The following ZNF723 variants were observed in gnomAD, a reference collection of about 807,000 sequenced individuals.
The protein encoded by ZNF723 is zinc finger protein 723, also known as zinc finger protein 723, pseudogene.
In ZNF723, 5 loss-of-function variants were observed where a neutral mutation model predicts 9.4. The observed-to-expected ratio is 0.53, with a 90% CI of 0.28 to 1.12. ZNF723 has a LOEUF of 1.12. Among genes scored for constraint, ZNF723 ranks in the 50% most tolerant of loss-of-function variants. The pLI is 0.10. For missense variants in ZNF723, 450 were observed against 501.5 expected (o/e 0.90, Z 0.98); for synonymous variants, 158 against 168.8 (o/e 0.94, Z 0.49).
chr19:22,826,001 A>G, the ZNF723 span, among the ~76,000 whole-genome samples: 29,955 of 152,090 alleles, frequency 0.2, 3,555 homozygotes, highest in African/African-American at 0.33. Flanking sequence ...CTCACAGGGG[A>G]CATTTTGACA....
intron 1 of ZNF723, among the ~76,000 whole-genome samples, chr19:22,838,431 A>C (rs1016908217): frequency 3.3e-5 from 5 of 152,046 alleles, no homozygotes; most frequent in Non-Finnish European, 5.9e-5. Context: ...ACACGCCTGT[A>C]ATCCCAGCTA....
chr19:22,831,676 C>T (rs918607069), upstream of ZNF723, among the ~76,000 whole-genome samples: 2 of 152,030 alleles, frequency 1.3e-5, no homozygotes, highest in Non-Finnish European at 2.9e-5. Context: ...TTTGGGAAGC[C>T]GAGGCGGGCG....
intron 1 of ZNF723, among the ~76,000 whole-genome samples, chr19:22,834,135 C>G (rs1044396582): frequency 6.6e-6 from 1 of 151,054 alleles, no homozygotes; most frequent in African/African-American, 2.4e-5. Context: ...AGGCTGGTAT[C>G]GAACACCTGA....
At chr19:22,848,032 G>A (rs1033229289) in intron 1 of ZNF723, among the ~76,000 whole-genome samples, 3 of 151,556 alleles carry the variant, frequency 2.0e-5, no homozygotes, top group Non-Finnish European at 2.9e-5. Flanking sequence ...AACCCAGGAG[G>A]CAGAGGTTGC....
Position 22,848,407 on chromosome 19 carries a change from A to G in ZNF723, c.130+20A>G. On this transcript the variant is annotated intron_variant, in intron 2 of 3. Coordinates refer to ENST00000600766, the MANE Select transcript of ZNF723 (RefSeq NM_001349726.2). ...TCCTGGGTGAGAATAACTTCAATAC[A>G]CAATCCTCAGATACTGTAAATGTTT... is the stretch of plus-strand genomic sequence containing the variant. 1 of 1,344,706 alleles carries G rather than the reference A, an allele frequency of 7.4e-7. No homozygotes were observed. Among genetic ancestry groups the G allele is most frequent in the Middle Eastern group, 1.8e-4 (1 of 5,438 alleles). 83.3% of individuals were successfully genotyped at this position (1,344,706 alleles called of 1,614,324 possible). A position where few individuals can be genotyped will look rare whatever the true frequency, so the allele number is the denominator to read the frequency against.
At chr19:22,815,248 C>A in the ZNF723 span, among the ~76,000 whole-genome samples, 10 of 152,144 alleles carry the variant, frequency 6.6e-5, no homozygotes, top group African/African-American at 2.4e-4. Context: ...GGCTTGCCCA[C>A]AAGGGGCCTT....
At chr19:22,816,390 T>C in the ZNF723 span, among the ~76,000 whole-genome samples, 6 of 152,344 alleles carry the variant, frequency 3.9e-5, no homozygotes, top group East Asian at 7.7e-4. Context: ...CCAGCATATC[T>C]ATGAGGCATT....
intron 1 of ZNF723, among the ~76,000 whole-genome samples, chr19:22,838,484 G>A (rs368301072): frequency 1.1e-4 from 16 of 152,096 alleles, no homozygotes; most frequent in African/African-American, 3.9e-4. Context: ...CCCGGGAGGC[G>A]GAGGTTGTGG....
chr19:22,826,581 C>T, the ZNF723 span, among the ~76,000 whole-genome samples: 1 of 152,228 alleles, frequency 6.6e-6, no homozygotes, highest in South Asian at 2.1e-4. Flanking sequence ...TGGACACAGC[C>T]CACTGGTAAA....
At chr19:22,827,442 T>TTTTGTTTG (rs34989962), upstream of ZNF723, among the ~76,000 whole-genome samples, 99 of 130,396 alleles carry the variant, frequency 7.6e-4, no homozygotes, top group African/African-American at 2.4e-3. Context: ...TTTTTTGTTT[T>TTTTGTTTG]TTTGTTTGTT....
Position 22,857,415 on chromosome 19 carries a change from G to A in ZNF723, c.524G>A (p.Cys175Tyr), listed in dbSNP as rs183952742. 12 of 887,020 alleles carry A rather than the reference G, an allele frequency of 1.4e-5. No homozygotes were observed. The highest frequency in any genetic ancestry group is 7.4e-5 in the Admixed American group (4 of 54,084). 54.9% of individuals were successfully genotyped at this position (887,020 alleles called of 1,614,324 possible). A position where few individuals can be genotyped will look rare whatever the true frequency, so the allele number is the denominator to read the frequency against. Residue 175 changes from cysteine to tyrosine, a missense_variant, in exon 4 of 4, where the codon TGT becomes TAT. Coordinates refer to ENST00000600766, the MANE Select transcript of ZNF723 (RefSeq NM_001349726.2). ...CATACTGGAAATAATTCTTTCAAAT[G>A]TAAAGAATGTGGCAAATCATTTTGC... Reference protein sequence around the residue: ...IRHTGNNSFKCKECGKSFCML... With the variant: ...IRHTGNNSFKYKECGKSFCML...
chr19:22,825,326 C>T, the ZNF723 span, among the ~76,000 whole-genome samples: 1 of 152,180 alleles, frequency 6.6e-6, no homozygotes, highest in East Asian at 1.9e-4. Context: ...TGTACTTGCA[C>T]ATAACTCACA....
the ZNF723 span, among the ~76,000 whole-genome samples, chr19:22,820,556 A>G: frequency 1.3e-5 from 2 of 152,174 alleles, no homozygotes; most frequent in African/African-American, 2.4e-5. Context: ...GTCTTTGTTC[A>G]GATCATAGAT....
intron 1 of ZNF723, among the ~76,000 whole-genome samples, chr19:22,834,526 G>A (rs965303571): frequency 3.3e-5 from 5 of 151,808 alleles, no homozygotes; most frequent in East Asian, 1.9e-4. Context: ...GTGAATAAAC[G>A]AAGATACTGT....
intron 3 of ZNF723, among the ~76,000 whole-genome samples, chr19:22,853,117 T>C (rs1337416607): frequency 6.6e-6 from 1 of 152,122 alleles, no homozygotes; most frequent in Non-Finnish European, 1.5e-5. Context: ...CAAATAGCTC[T>C]TTATATAACT....
intron 1 of ZNF723, among the ~76,000 whole-genome samples, chr19:22,834,099 G>C (rs1242337902): frequency 6.6e-6 from 1 of 151,108 alleles, no homozygotes; most frequent in Admixed American, 6.6e-5. Flanking sequence ...TATTTTTAGT[G>C]GAGACGGGGT....
At chr19:22,835,884 A>C (rs1276278164) in intron 1 of ZNF723, among the ~76,000 whole-genome samples, 1 of 152,194 alleles carries the variant, frequency 6.6e-6, no homozygotes, top group Non-Finnish European at 1.5e-5. Context: ...ATGATTGTTT[A>C]CTACATAATT....
intron 3 of ZNF723, among the ~76,000 whole-genome samples, chr19:22,850,194 A>G (rs1011213569): frequency 5.9e-5 from 9 of 151,740 alleles, no homozygotes; most frequent in African/African-American, 1.2e-4. Flanking sequence ...TTACATTACT[A>G]TATAAAAGAT....
intron 1 of ZNF723, among the ~76,000 whole-genome samples, chr19:22,833,927 T>G (rs1442618650): frequency 1.2e-5 from 1 of 86,432 alleles, no homozygotes; most frequent in Non-Finnish European, 2.4e-5. Flanking sequence ...TTTAGCGTAC[T>G]TTTTTTTTTT....
Sources: allele counts gnomAD v4.1 joint callset (sites outside exome capture counted in the v4.1 genomes callset), GRCh38; gene constraint gnomAD v4.1.1; transcripts MANE v1.5; gene names NCBI Gene and HGNC (gene_info 2026-07-23, HGNC 2026-07-21).